The following ARID1B variants were observed in gnomAD, a reference collection of about 807,000 sequenced individuals.
ARID1B encodes AT-rich interaction domain 1B, also known as AT-rich interactive domain-containing protein 1B.
A neutral mutation model predicts 212.3 loss-of-function variants in ARID1B; 30 were observed. The ratio of observed to expected loss-of-function variants is 0.14; its 90% CI spans 0.11 to 0.19. The LOEUF (loss-of-function observed/expected upper bound fraction) is 0.19. Ranked by LOEUF, ARID1B falls within the 10% of genes least tolerant of loss-of-function variation. The pLI, the probability that ARID1B is intolerant of heterozygous loss-of-function variation, is 1.00. For synonymous variants in ARID1B, 1,402 were observed against 1,301.7 expected (o/e 1.08, Z -1.66); for missense variants, 2,891 against 3,204.0 (o/e 0.90, Z 2.36).
In ARID1B at chr6:157,039,322, C is replaced by CTTTTTTTTTTTTTTTTTTTTTTT. The variant is rs1003131791; in HGVS notation, c.2248-45321_2248-45320insTTTTTTTTTTTTTTTTTTTTTTT. Among the ~76,000 whole-genome samples, 50 of 102,948 alleles carry CTTTTTTTTTTTTTTTTTTTTTTT rather than the reference C, an allele frequency of 4.9e-4. 10 individuals carry two copies. The highest frequency in any genetic ancestry group is 6.5e-4 in the African/African-American group (16 of 24,716). The allele number at this position is 102,948 out of a possible 152,430, so 67.5% of individuals were successfully genotyped here. A position where few individuals can be genotyped will look rare whatever the true frequency, so the allele number is the denominator to read the frequency against. The stretch of plus-strand genomic sequence containing the variant: ...ATTAAAAATGGGAAATTTGACATTT[C>CTTTTTTTTTTTTTTTTTTTTTTT]TTTTTTTTTTTTTTTTTTTGAGACG... On this transcript the variant is annotated intron_variant, in intron 4 of 19. Transcript: ENST00000636930.
At chr6:156,887,119 CAGGA>C (rs1273111794) in intron 2 of ARID1B, among the ~76,000 whole-genome samples, 1 of 152,164 alleles carries the variant, frequency 6.6e-6, no homozygotes, top group African/African-American at 2.4e-5. Flanking sequence ...TTCTGAAACT[CAGGA>C]AGGCGACAGA....
chr6:156,863,878 A>G (rs892724156), intron 2 of ARID1B, among the ~76,000 whole-genome samples: 32 of 152,150 alleles, frequency 2.1e-4, no homozygotes, highest in African/African-American at 7.7e-4. Context: ...GGCAAAATCC[A>G]TGTGCAAAAT....
intron 18 of ARID1B, among the ~76,000 whole-genome samples, chr6:157,202,602 ACTTG>A (rs1794179852): frequency 1.3e-5 from 2 of 151,950 alleles, no homozygotes; most frequent in African/African-American, 2.4e-5. Context: ...TAGGAGGATC[ACTTG>A]AGCCCAGGAG....
intron 10 of ARID1B, 169 bp downstream of exon 10, chr6:157,174,286 A>G (rs1039594760): frequency 6.8e-6 from 4 of 591,432 alleles, no homozygotes; most frequent in South Asian, 2.2e-5. Context: ...CAGCCCCTTC[A>G]TGGTGTGGAT....
In ARID1B at chr6:157,207,830, T is replaced by C. The variant is rs760896148; in HGVS notation, c.7058T>C (p.Val2353Ala). ...TTGCTGGATATCTCGATATCAGCTGTCCTGAACTCTCTGGTTGCATCTGTC... is the reference window on the plus strand; with the variant it reads ...TTGCTGGATATCTCGATATCAGCTGCCCTGAACTCTCTGGTTGCATCTGTC... ...GRLLDISISAVLNSLVASVIC... is the reference protein window; with the variant it reads ...GRLLDISISAALNSLVASVIC... The change falls in exon 20 of 20, where the codon GTC (valine) becomes GCC (alanine). Residue 2353 changes from valine to alanine, a missense_variant. Val to Ala is a moderately conservative substitution (Grantham distance 64, BLOSUM62 0). Around this residue, in one of 7 missense-constraint regions of ARID1B, gnomAD observed 187 missense variants for 306.5 expected, o/e 0.61. Coordinates refer to ENST00000636930, the MANE Select transcript of ARID1B (RefSeq NM_001374828.1). The surrounding 1 kb of genome is among the most constrained non-coding windows in gnomAD (Gnocchi z 8.5). The C allele has an allele frequency of 2.0e-6, 3 of 1,524,674 alleles. No individual in the cohort carries two copies. Among genetic ancestry groups the C allele is most frequent in the Non-Finnish European group, 2.6e-6 (3 of 1,134,596 alleles). The allele number at this position is 1,524,674 out of a possible 1,614,324, so 94.4% of individuals were successfully genotyped here.
chr6:156,847,232 A>C (rs1340692308), intron 2 of ARID1B, among the ~76,000 whole-genome samples: 3 of 152,194 alleles, frequency 2.0e-5, no homozygotes, highest in African/African-American at 4.8e-5. Flanking sequence ...CAGAGTTTTC[A>C]GTGTCTCAAG....
chr6:157,133,399 C>T (rs563782288), intron 7 of ARID1B, among the ~76,000 whole-genome samples, 192 bp downstream of exon 7: 1 of 152,324 alleles, frequency 6.6e-6, no homozygotes, highest in South Asian at 2.1e-4. Context: ...ATTACAGCCA[C>T]TATTGGTGAA....
intron 6 of ARID1B, among the ~76,000 whole-genome samples, chr6:157,112,503 C>G (rs1786997726): frequency 6.6e-6 from 1 of 152,220 alleles, no homozygotes; most frequent in Non-Finnish European, 1.5e-5. Context: ...TGTAACATCA[C>G]TCTCACTGGT....
At chr6:156,860,419 G>A (rs1785248413) in intron 2 of ARID1B, among the ~76,000 whole-genome samples, 1 of 151,920 alleles carries the variant, frequency 6.6e-6, no homozygotes, top group South Asian at 2.1e-4. Context: ...AATGAAACAG[G>A]ACAGAAGCCT....
intron 4 of ARID1B, among the ~76,000 whole-genome samples, chr6:156,975,613 C>CT (rs367797338): frequency 0.27 from 30,397 of 110,868 alleles, 4,053 homozygotes; most frequent in Non-Finnish European, 0.32. Context: ...TTTTTTTTTT[C>CT]TTTTTTTTTT....
At chr6:156,891,866 T>C (rs1181393965) in intron 2 of ARID1B, among the ~76,000 whole-genome samples, 1 of 145,500 alleles carries the variant, frequency 6.9e-6, no homozygotes, top group East Asian at 1.9e-4. Context: ...CTTTTCTTTT[T>C]CTTTTCTGTT....
chr6:157,110,642 T>A, intron 6 of ARID1B, 81 bp downstream of exon 6: 1 of 1,260,750 alleles, frequency 7.9e-7, no homozygotes, highest in Non-Finnish European at 1.2e-6. Context: ...CCTATGCACC[T>A]CCTTATCATT....
rs369640779 is a variant in ARID1B at position 157,200,752 on chromosome 6, C to T, written c.4527C>T (p.Arg1509=). ...MDGMYGPPAK[R]HEGDMYNMQY... is the part of the protein sequence containing the mutation. ...GCATGTACGGGCCCCCAGCCAAGCG[C>T]CACGAGGGCGACATGTACAACATGC... Residue 1509 remains arginine (R), a synonymous_variant, in exon 18 of 20, where the codon CGC becomes CGT. Transcript: ENST00000636930. This position sits in a 1 kb window ranked among gnomAD's most constrained non-coding sequence, Gnocchi z 4.3. The T allele has an allele frequency of 6.2e-7, 1 of 1,613,490 alleles. No homozygotes were observed. The highest frequency in any genetic ancestry group is 1.3e-5 in the African/African-American group (1 of 74,910).
chr6:157,112,014 C>T (rs1786961533), intron 6 of ARID1B, among the ~76,000 whole-genome samples: 1 of 152,130 alleles, frequency 6.6e-6, no homozygotes, highest in African/African-American at 2.4e-5. Flanking sequence ...ACCTTGAGAA[C>T]CACTGCCTTC....
intron 3 of ARID1B, 111 bp downstream of exon 3, chr6:156,901,636 T>G: frequency 7.3e-7 from 1 of 1,368,898 alleles, no homozygotes; most frequent in Non-Finnish European, 9.7e-7. Flanking sequence ...GGAAAAAAAA[T>G]TAGTTTTGAG....
chr6:156,803,458 A>C (rs919588849), intron 1 of ARID1B, among the ~76,000 whole-genome samples: 10 of 152,062 alleles, frequency 6.6e-5, no homozygotes, highest in Non-Finnish European at 1.3e-4. Flanking sequence ...GTCTATCTAT[A>C]AATCTTTATC....
intron 4 of ARID1B, among the ~76,000 whole-genome samples, chr6:156,969,360 G>C (rs1208910196): frequency 6.6e-6 from 1 of 152,076 alleles, no homozygotes; most frequent in Non-Finnish European, 1.5e-5. Context: ...GATCGGTGGT[G>C]GTGGTTCCCT....
chr6:157,023,240 T>C (rs1446781556), intron 4 of ARID1B: 1 of 152,222 alleles, frequency 6.6e-6, no homozygotes, highest in Non-Finnish European at 1.5e-5. Context: ...GAAGAGCAAA[T>C]GCATTGTGAG....
intron 4 of ARID1B, among the ~76,000 whole-genome samples, chr6:157,006,628 T>C (rs997095252): frequency 6.6e-6 from 1 of 152,166 alleles, no homozygotes; most frequent in African/African-American, 2.4e-5. Context: ...TGGAATGATG[T>C]CAACAAGAAA....
Sources: gnomAD v4.1 joint callset for allele counts (sites outside exome capture counted in the v4.1 genomes callset) on GRCh38, gnomAD v4.1.1 for gene constraint, gnomAD v4.1.1 regional missense constraint, Gnocchi (gnomAD v3.1) non-coding constraint, MANE v1.5 for transcripts, NCBI Gene and HGNC (gene_info 2026-07-23, HGNC 2026-07-21) for gene names.